Variants in BOP1 observed in about 807,000 individuals in gnomAD.
The protein encoded by BOP1 is ribosome biogenesis protein BOP1.
In BOP1, 54 loss-of-function variants were observed where a neutral mutation model predicts 82.9. The ratio of observed to expected loss-of-function variants is 0.65; its 90% CI spans 0.52 to 0.82. The LOEUF (loss-of-function observed/expected upper bound fraction) is 0.82, where lower values mean the gene tolerates loss of function less well. Among genes scored for constraint, BOP1 ranks in the 40% least tolerant of loss-of-function variants. The pLI, the probability that BOP1 is intolerant of heterozygous loss-of-function variation, is 0.00. For missense variants in BOP1, 1,170 were observed against 1,072.0 expected, an observed-to-expected ratio of 1.09 and a Z score of -1.28; for synonymous variants, 566 against 451.1, an observed-to-expected ratio of 1.25 and a Z score of -3.23.
At chr8:144,288,603 T>G (rs1261350617) in intron 2 of BOP1, among the ~76,000 whole-genome samples, 1 of 152,186 alleles carries the variant, frequency 6.6e-6, no homozygotes, top group Non-Finnish European at 1.5e-5. Context: ...TTGTTCTCAA[T>G]AAGAGTAGGG....
intron 3 of BOP1, among the ~76,000 whole-genome samples, chr8:144,276,013 C>T (rs1400181301): frequency 6.6e-6 from 1 of 152,224 alleles, no homozygotes; most frequent in East Asian, 1.9e-4. Context: ...CATGATGACA[C>T]ACATACATTG....
chr8:144,291,149 A>C lies in BOP1; in HGVS notation c.99+123T>G. ...CGATAGAGGAGCTGCACCCACGCCC[A>C]AGACCGATTCACTGGGCGCGGGCGC... On this transcript the variant is annotated intron_variant, in intron 1 of 15. Transcript: ENST00000569669. The surrounding 1 kb of genome is among the most constrained non-coding windows in gnomAD (Gnocchi z 4.1). The C allele has an allele frequency of 5.5e-6, 4 of 721,424 alleles. No homozygotes were observed. The highest frequency in any genetic ancestry group is 7.4e-6 in the Non-Finnish European group (4 of 543,454). 44.7% of individuals were successfully genotyped at this position (721,424 alleles called of 1,614,324 possible). A position where few individuals can be genotyped will look rare whatever the true frequency, so the allele number is the denominator to read the frequency against.
At chr8:144,268,282 C>T (rs956809569) in intron 3 of BOP1, 61 of 1,287,794 alleles carry the variant, frequency 4.7e-5, no homozygotes, top group East Asian at 2.5e-4. Flanking sequence ...TGGCTGCGAG[C>T]GGGGCCGAGG....
chr8:144,289,238 C>T lies in BOP1; in HGVS notation c.166G>A (p.Glu56Lys), dbSNP rs781851211. 1.3e-5 allele frequency: 21 copies of T among 1,613,954 alleles called. No individual in the cohort carries two copies. Among genetic ancestry groups the T allele is most frequent in the East Asian group, 4.5e-5 (2 of 44,900 alleles). ...TCCAGGCCTGAGAACACACTTTCCT[C>T]GCTGTCGGAGACGCCAGAATCGCTG... ...TGSDSGVSDS[E>K]ESVFSGLEDS... The change falls in exon 2 of 16, where the codon GAG becomes AAG. Residue 56 changes from glutamate to lysine, a missense_variant. Glu to Lys is a moderately conservative substitution (Grantham distance 56, BLOSUM62 1). Coordinates refer to ENST00000569669, the MANE Select transcript of BOP1 (RefSeq NM_015201.5).
At chr8:144,284,253 G>A (rs1814803801) in intron 2 of BOP1, among the ~76,000 whole-genome samples, 1 of 152,180 alleles carries the variant, frequency 6.6e-6, no homozygotes, top group Non-Finnish European at 1.5e-5. Flanking sequence ...AGCCAACATC[G>A]CACCACTGCC....
At chr8:144,272,021 T>C (rs1845500320) in intron 3 of BOP1, among the ~76,000 whole-genome samples, 1 of 152,132 alleles carries the variant, frequency 6.6e-6, no homozygotes. Flanking sequence ...AGACCTGGCC[T>C]GCCTCGGTCT....
intron 2 of BOP1, among the ~76,000 whole-genome samples, chr8:144,277,835 C>CGGTGCAGGCAGGGGCGG (rs1845594497): frequency 1.8e-5 from 1 of 56,732 alleles, no homozygotes; most frequent in Non-Finnish European, 5.9e-5. Context: ...GGGGCGGCCA[C>CGGTGCAGGCAGGGGCGG]TGCTGGGAAC....
intron 1 of BOP1, 98 bp from the exon 2 acceptor site, chr8:144,289,402 A>C: frequency 7.6e-7 from 1 of 1,319,286 alleles, no homozygotes; most frequent in Non-Finnish European, 1.1e-6. Context: ...GCCACCCACC[A>C]GCAGCTCCAT....
chr8:144,276,531 C>T (rs1027145801), intron 2 of BOP1, among the ~76,000 whole-genome samples: 6 of 152,300 alleles, frequency 3.9e-5, no homozygotes, highest in Admixed American at 1.3e-4. Flanking sequence ...GAGGGCTGGA[C>T]TGCAGCCTCC....
chr8:144,273,643 G>A (rs1845527657), intron 3 of BOP1, among the ~76,000 whole-genome samples: 1 of 152,230 alleles, frequency 6.6e-6, no homozygotes, highest in South Asian at 2.1e-4. Context: ...CAAAGGCCGA[G>A]AGCCCCCTTG....
chr8:144,280,424 G>A (rs587606028), intron 2 of BOP1, among the ~76,000 whole-genome samples: 1 of 152,384 alleles, frequency 6.6e-6, no homozygotes, highest in East Asian at 1.9e-4. Context: ...GCGACAGGGG[G>A]CCCGAGCCCA....
chr8:144,280,376 C>T (rs1845648824), intron 2 of BOP1, among the ~76,000 whole-genome samples: 1 of 152,254 alleles, frequency 6.6e-6, no homozygotes, highest in African/African-American at 2.4e-5. Flanking sequence ...AGACCACTCT[C>T]CAGCAGACGG....
At chr8:144,272,370 C>T (rs1845505272) in intron 3 of BOP1, among the ~76,000 whole-genome samples, 2 of 152,136 alleles carry the variant, frequency 1.3e-5, no homozygotes, top group South Asian at 2.1e-4. Flanking sequence ...CTGGGACTCC[C>T]GTCCCCTGCA....
chr8:144,270,465 C>T (rs1276383691), intron 3 of BOP1, among the ~76,000 whole-genome samples: 1 of 152,174 alleles, frequency 6.6e-6, no homozygotes, highest in Non-Finnish European at 1.5e-5. Context: ...CCCTCCGCTG[C>T]GGGCCTGACT....
At chr8:144,282,301 C>T (rs1327140581) in intron 2 of BOP1, among the ~76,000 whole-genome samples, 1 of 152,204 alleles carries the variant, frequency 6.6e-6, no homozygotes, top group Non-Finnish European at 1.5e-5. Context: ...CAGACACAGT[C>T]AACAGCTGGA....
At chr8:144,276,344 A>AG in intron 2 of BOP1, 40 bp from the exon 3 acceptor site, 1 of 1,604,084 alleles carries the variant, frequency 6.2e-7, no homozygotes, top group Non-Finnish European at 8.5e-7. Context: ...CAGGGGATAC[A>AG]GGGTACCCTT....
intron 3 of BOP1, among the ~76,000 whole-genome samples, chr8:144,275,627 C>T (rs536338576): frequency 9.5e-4 from 145 of 152,316 alleles, no homozygotes; most frequent in African/African-American, 3.4e-3. Context: ...CTGAGATGTG[C>T]TCCTGGGACT....
At chr8:144,269,986 A>G (rs1188164939) in intron 3 of BOP1, among the ~76,000 whole-genome samples, 1 of 152,056 alleles carries the variant, frequency 6.6e-6, no homozygotes, top group Non-Finnish European at 1.5e-5. Flanking sequence ...GAGGGTCCAT[A>G]GCCCACCTAC....
At chr8:144,288,967 G>A (rs1342596790) in intron 2 of BOP1, 128 bp downstream of exon 2, 2 of 991,144 alleles carry the variant, frequency 2.0e-6, no homozygotes, top group Non-Finnish European at 3.1e-6. Context: ...CCCAGGTGCA[G>A]TGAAGGAGGG....
Sources: allele counts gnomAD v4.1 joint callset (sites outside exome capture counted in the v4.1 genomes callset), GRCh38; gene constraint gnomAD v4.1.1; non-coding constraint Gnocchi (gnomAD v3.1); transcripts MANE v1.5; gene names NCBI Gene and HGNC (gene_info 2026-07-23, HGNC 2026-07-21).